VPS54: variants seen among roughly 807,000 people sequenced by gnomAD.
VPS54 encodes the protein vacuolar protein sorting-associated protein 54.
VPS54 carries 45 observed loss-of-function variants against 121.5 expected under a neutral mutation model. The observed-to-expected ratio is 0.37, with a 90% CI of 0.29 to 0.47. VPS54 has a LOEUF of 0.47. Among genes scored for constraint, VPS54 ranks in the 20% least tolerant of loss-of-function variants. VPS54 has a pLI of 0.99. For synonymous variants in VPS54, 371 were observed against 385.8 expected, an observed-to-expected ratio of 0.96 and a Z score of 0.45; for missense variants, 1,090 against 1,131.4, an observed-to-expected ratio of 0.96 and a Z score of 0.52.
chr2:63,897,593 G>T lies in VPS54; in HGVS notation c.2734-3C>A. On this transcript the variant is annotated splice_region_variant and splice_polypyrimidine_tract_variant and intron_variant, in intron 21 of 22. Transcript: ENST00000272322. ...GCATTAATTCTTAAAAATAACATCT[G>T]AAAAAGAAATAAAACTAAGTTTCTT... 2 of 1,479,110 alleles carry T rather than the reference G, an allele frequency of 1.4e-6. No individual in the cohort carries two copies. The highest frequency in any genetic ancestry group is 1.9e-6 in the Non-Finnish European group (2 of 1,074,300). 91.6% of individuals were successfully genotyped at this position (1,479,110 alleles called of 1,614,324 possible).
intron 17 of VPS54, 100 bp downstream of exon 17, chr2:63,914,082 G>T: frequency 8.8e-7 from 1 of 1,133,156 alleles, no homozygotes; most frequent in Non-Finnish European, 1.3e-6. Flanking sequence ...ATGTCTTAAA[G>T]TTAATTTGAC....
In VPS54 at chr2:63,893,099, G is replaced by C. The variant is rs1417342277; in HGVS notation, c.*331C>G. 3.1e-6 allele frequency: 1 copy of C among 321,048 alleles called. No individual in the cohort carries two copies. The highest frequency in any genetic ancestry group is 2.1e-5 in the African/African-American group (1 of 47,004). The allele number at this position is 321,048 out of a possible 1,614,324, so 19.9% of individuals were successfully genotyped here. On this transcript the variant is annotated 3_prime_UTR_variant, in exon 23 of 23. Coordinates refer to ENST00000272322, the MANE Select transcript of VPS54 (RefSeq NM_016516.3). ...AATGCAAAGCATTTTTTAATATAAA[G>C]TATACAGAGCATTCTAGTCAACTAC...
rs543061436 is a variant in VPS54 at position 63,986,452 on chromosome 2, A to T, written c.-20-2433T>A. Among the ~76,000 whole-genome samples, 27 of 152,284 alleles carry T rather than the reference A, an allele frequency of 1.8e-4. No homozygotes were observed. The South Asian group carries it at 5.0e-3, about 28-fold the overall frequency. On this transcript the variant is annotated intron_variant, in intron 1 of 22. Coordinates refer to ENST00000272322, the MANE Select transcript of VPS54 (RefSeq NM_016516.3). ...AAATGACAAGATCTCATCCTTTTCT[A>T]TGGCTGAATAGTTCTCTATTGTGTA...
chr2:63,923,038 G>T (rs556837566), intron 12 of VPS54, among the ~76,000 whole-genome samples: 8 of 152,048 alleles, frequency 5.3e-5, no homozygotes, highest in Admixed American at 1.3e-4. Context: ...TGGGGCTGGG[G>T]CGCGGTGGCT....
intron 12 of VPS54, among the ~76,000 whole-genome samples, chr2:63,929,551 C>T (rs1173921930): frequency 6.6e-6 from 1 of 152,090 alleles, no homozygotes; most frequent in African/African-American, 2.4e-5. Context: ...TAAATGCCCA[C>T]AAGAGAAAGC....
At chr2:63,946,917 C>G (rs1231082424) in intron 9 of VPS54, among the ~76,000 whole-genome samples, 1 of 152,014 alleles carries the variant, frequency 6.6e-6, no homozygotes, top group African/African-American at 2.4e-5. Context: ...TAAGAACAAA[C>G]ATTCTTAAGT....
chr2:63,976,941 GC>G (rs1449070875), intron 3 of VPS54, among the ~76,000 whole-genome samples: 1 of 143,170 alleles, frequency 7.0e-6, no homozygotes, highest in Non-Finnish European at 1.5e-5. Flanking sequence ...TGATTCTCTT[GC>G]CTCAGCCTCC....
intron 1 of VPS54, among the ~76,000 whole-genome samples, chr2:64,012,539 T>C (rs1678476801): frequency 6.6e-6 from 1 of 150,858 alleles, no homozygotes; most frequent in Non-Finnish European, 1.5e-5. Flanking sequence ...TATACACAAC[T>C]CTTAACTTTC....
intron 7 of VPS54, among the ~76,000 whole-genome samples, chr2:63,961,182 T>C (rs1675752136): frequency 6.6e-6 from 1 of 152,254 alleles, no homozygotes; most frequent in Non-Finnish European, 1.5e-5. Flanking sequence ...TTCTGTCTGG[T>C]ACTTGACATG....
intron 21 of VPS54, among the ~76,000 whole-genome samples, chr2:63,898,910 G>T (rs149637524): frequency 9.3e-4 from 141 of 152,264 alleles, no homozygotes; most frequent in African/African-American, 3.0e-3. Context: ...TAATACTTTT[G>T]TAAGGGAATA....
chr2:64,018,697 GA>G (rs1678827935), intron 1 of VPS54, among the ~76,000 whole-genome samples: 1 of 151,092 alleles, frequency 6.6e-6, no homozygotes, highest in African/African-American at 2.4e-5. Flanking sequence ...TCGCTGACAG[GA>G]GGCAGGGAAC....
chr2:63,942,761 T>C (rs535594077), intron 10 of VPS54, among the ~76,000 whole-genome samples, 200 bp from the exon 11 acceptor site: 2 of 152,326 alleles, frequency 1.3e-5, no homozygotes, highest in South Asian at 4.1e-4. Context: ...GTAAGTTAAC[T>C]ATATCATATA....
At chr2:63,989,382 TC>T (rs2104637311) in intron 1 of VPS54, among the ~76,000 whole-genome samples, 1 of 152,310 alleles carries the variant, frequency 6.6e-6, no homozygotes, top group Admixed American at 6.5e-5. Flanking sequence ...GATTTTCGGC[TC>T]AGGGGGCATC....
chr2:63,923,663 C>T (rs1673753335), intron 12 of VPS54, among the ~76,000 whole-genome samples: 1 of 152,156 alleles, frequency 6.6e-6, no homozygotes, highest in Non-Finnish European at 1.5e-5. Context: ...ATGGATGAAA[C>T]TTGAGGACAT....
chr2:63,991,992 T>C (rs1046907273), intron 1 of VPS54, among the ~76,000 whole-genome samples: 7 of 152,210 alleles, frequency 4.6e-5, no homozygotes, highest in African/African-American at 7.2e-5. Context: ...CACTGGCCCT[T>C]TACCTCAAGG....
At chr2:63,982,073 G>C (rs552628883) in intron 2 of VPS54, among the ~76,000 whole-genome samples, 186 bp from the exon 3 acceptor site, 50 of 152,176 alleles carry the variant, frequency 3.3e-4, no homozygotes, top group African/African-American at 9.6e-4. Flanking sequence ...CAATTACTAA[G>C]GCTTTGAAAA....
intron 7 of VPS54, among the ~76,000 whole-genome samples, chr2:63,952,863 A>C (rs75501905): frequency 0.012 from 1,871 of 152,232 alleles, 17 homozygotes; most frequent in Non-Finnish European, 0.015. Context: ...AATCTGTCTC[A>C]AAGATGCATG....
chr2:63,943,293 A>AT (rs1477006836), intron 10 of VPS54, among the ~76,000 whole-genome samples: 1 of 152,206 alleles, frequency 6.6e-6, no homozygotes, highest in African/African-American at 2.4e-5. Flanking sequence ...ATTACTCTAA[A>AT]TTTTTAATAA....
At chr2:63,990,846 A>G (rs562585675) in intron 1 of VPS54, among the ~76,000 whole-genome samples, 7 of 152,344 alleles carry the variant, frequency 4.6e-5, no homozygotes, top group Admixed American at 4.6e-4. Context: ...TTTTTAAAAG[A>G]ATTTAAGGAT....
Sources: allele counts gnomAD v4.1 joint callset (sites outside exome capture counted in the v4.1 genomes callset), GRCh38; gene constraint gnomAD v4.1.1; transcripts MANE v1.5; gene names NCBI Gene and HGNC (gene_info 2026-07-23, HGNC 2026-07-21).